Variants in NDUFAF6 observed in about 807,000 individuals in gnomAD.
The protein encoded by NDUFAF6 is NADH:ubiquinone oxidoreductase complex assembly factor 6, also known as NADH dehydrogenase (ubiquinone) complex I, assembly factor 6.
In NDUFAF6, 45 loss-of-function variants were observed where a neutral mutation model predicts 40.8. The ratio of observed to expected loss-of-function variants is 1.10; its 90% CI spans 0.87 to 1.42. The LOEUF (loss-of-function observed/expected upper bound fraction) is 1.42. Ranked by LOEUF, NDUFAF6 falls within the 40% of genes most tolerant of loss-of-function variation. The probability of loss-of-function intolerance (pLI) is 0.00; values close to 1 mark genes in which losing one functional copy is unlikely to be tolerated. For synonymous variants in NDUFAF6, 185 were observed against 155.9 expected, an observed-to-expected ratio of 1.19 and a Z score of -1.39; for missense variants, 435 against 418.5, an observed-to-expected ratio of 1.04 and a Z score of -0.34.
chr8:95,019,832 C>T (rs1199463028), intron 2 of NDUFAF6, among the ~76,000 whole-genome samples: 1 of 152,146 alleles, frequency 6.6e-6, no homozygotes, highest in Non-Finnish European at 1.5e-5. Flanking sequence ...GTACTAAATG[C>T]TCAAAAACTA....
chr8:94,908,794 AG>A (rs1818549070), intron 1 of NDUFAF6, among the ~76,000 whole-genome samples: 2 of 152,256 alleles, frequency 1.3e-5, no homozygotes, highest in Admixed American at 6.5e-5. Context: ...AATAAGACTC[AG>A]AGGAGTCAGA....
downstream of NDUFAF6, among the ~76,000 whole-genome samples, chr8:95,080,034 C>T (rs368501444): frequency 8.2e-5 from 5 of 60,674 alleles, no homozygotes; most frequent in African/African-American, 3.0e-4. Flanking sequence ...ATTTTTGTAG[C>T]GTATTTTTTG....
At chr8:95,062,509 T>G (rs1275689356), downstream of NDUFAF6, among the ~76,000 whole-genome samples, 1 of 152,172 alleles carries the variant, frequency 6.6e-6, no homozygotes, top group Non-Finnish European at 1.5e-5. Context: ...ACAGGATGTG[T>G]CCTCTCCAAT....
intron 5 of NDUFAF6, 85 bp from the exon 6 acceptor site, chr8:95,046,909 T>G: frequency 3.2e-6 from 5 of 1,557,056 alleles, no homozygotes; most frequent in African/African-American, 1.4e-5. Flanking sequence ...TCCTTTTACA[T>G]GTTTAGGTTA....
intron 9 of NDUFAF6, chr8:95,068,974 A>G (rs1313779636): frequency 1.3e-5 from 2 of 149,354 alleles, no homozygotes; most frequent in African/African-American, 2.5e-5. Flanking sequence ...CAATCTTCCT[A>G]CTCTTGACTC....
intron 1 of NDUFAF6, among the ~76,000 whole-genome samples, chr8:95,027,398 G>A (rs1828283553): frequency 6.6e-6 from 1 of 151,934 alleles, no homozygotes; most frequent in Admixed American, 6.6e-5. Context: ...GGGCAACATA[G>A]TGGGACCCCT....
At chr8:95,051,660 C>A (rs1423317693) in intron 7 of NDUFAF6, among the ~76,000 whole-genome samples, 1 of 151,950 alleles carries the variant, frequency 6.6e-6, no homozygotes, top group African/African-American at 2.4e-5. Flanking sequence ...GATGTGGAGG[C>A]CTTTGAATTC....
At chr8:95,099,226 C>G (rs1203661743), upstream of NDUFAF6, among the ~76,000 whole-genome samples, 2 of 151,860 alleles carry the variant, frequency 1.3e-5, no homozygotes, top group Non-Finnish European at 2.9e-5. Context: ...GGTGACAGAG[C>G]AAGACCCTGT....
At position 95,036,618 on chromosome 8, in the gene NDUFAF6, C is replaced by T. The variant is rs74602375; in HGVS notation, c.420+1042C>T. ...TCTATTTATTACTTTACACCTAAAT[C>T]GGAGTATAGTGGAGGTGGAGGTTTA... is the stretch of plus-strand genomic sequence containing the variant. On this transcript the variant is annotated intron_variant, in intron 3 of 8. Coordinates refer to ENST00000396124, the MANE Select transcript of NDUFAF6 (RefSeq NM_152416.4). The T allele has an allele frequency of 4.8e-3, 3,672 of 760,786 alleles. 103 individuals carry two copies. The African/African-American group carries it at 0.06, about 12-fold the overall frequency. The allele number at this position is 760,786 out of a possible 1,614,324, so 47.1% of individuals were successfully genotyped here. A position where few individuals can be genotyped will look rare whatever the true frequency, so the allele number is the denominator to read the frequency against.
chr8:95,105,726 C>T (rs1490582173), downstream of NDUFAF6, among the ~76,000 whole-genome samples: 1 of 152,040 alleles, frequency 6.6e-6, no homozygotes, highest in African/African-American at 2.4e-5. Context: ...TGGTCTTGAA[C>T]TCCTGATCAC....
At chr8:94,944,240 G>T (rs1320118748) in intron 1 of NDUFAF6, among the ~76,000 whole-genome samples, 1 of 152,196 alleles carries the variant, frequency 6.6e-6, no homozygotes, top group Non-Finnish European at 1.5e-5. Flanking sequence ...ACCTTTGCTT[G>T]TCCTGAACGA....
At chr8:94,927,358 A>G (rs1819986024) in intron 1 of NDUFAF6, 1 of 152,264 alleles carries the variant, frequency 6.6e-6, no homozygotes, top group Non-Finnish European at 1.5e-5. Flanking sequence ...AGATTTCAGA[A>G]GCAGAAACAA....
downstream of NDUFAF6, among the ~76,000 whole-genome samples, chr8:95,060,978 T>A (rs1832558107): frequency 6.6e-6 from 1 of 152,038 alleles, no homozygotes; most frequent in Non-Finnish European, 1.5e-5. Flanking sequence ...GGCTTGGCAG[T>A]CAAGGTTTCC....
At chr8:95,034,103 G>A (rs1419836988) in intron 2 of NDUFAF6, 1 of 457,528 alleles carries the variant, frequency 2.2e-6, no homozygotes, top group African/African-American at 2.0e-5. Flanking sequence ...ATATTTGGAA[G>A]TAACTTCACA....
intron 2 of NDUFAF6, among the ~76,000 whole-genome samples, chr8:95,091,700 C>T (rs1367400345): frequency 5.3e-5 from 8 of 151,626 alleles, no homozygotes; most frequent in African/African-American, 9.7e-5. Flanking sequence ...AGTGCAGTGG[C>T]GCCATCCTGG....
At position 95,039,568 on chromosome 8, in the gene NDUFAF6, G is replaced by A. The variant is rs559218646; in HGVS notation, c.421-2002G>A. Among the ~76,000 whole-genome samples the A allele has an allele frequency of 3.3e-5, 5 of 151,212 alleles. No individual in the cohort carries two copies. In the East Asian group the frequency reaches 7.8e-4, roughly 24 times the overall value. The stretch of plus-strand genomic sequence containing the variant: ...GCTGGTATTACAGGTATTAGCCACC[G>A]CCCCGGCCTAATATTTTCTAAGAAT... On this transcript the variant is annotated intron_variant, in intron 3 of 8. Transcript: ENST00000396124.
chr8:95,036,289 T>G, intron 3 of NDUFAF6: 1 of 1,278,190 alleles, frequency 7.8e-7, no homozygotes, highest in African/African-American at 1.5e-5. Flanking sequence ...TCTGTGTCCC[T>G]GTTGTAATGC....
At chr8:94,991,184 G>GAAAC (rs1313786252) in intron 2 of NDUFAF6, among the ~76,000 whole-genome samples, 1 of 152,136 alleles carries the variant, frequency 6.6e-6, no homozygotes, top group Non-Finnish European at 1.5e-5. Flanking sequence ...AACCAAGAAA[G>GAAAC]AAACAAACAC....
upstream of NDUFAF6, among the ~76,000 whole-genome samples, chr8:95,098,799 A>G (rs527350213): frequency 2.0e-5 from 3 of 150,514 alleles, no homozygotes; most frequent in South Asian, 4.2e-4. Context: ...GCACGCATCT[A>G]TAATCCCAGC....
Sources: allele counts gnomAD v4.1 joint callset (sites outside exome capture counted in the v4.1 genomes callset), GRCh38; gene constraint gnomAD v4.1.1; transcripts MANE v1.5; gene names NCBI Gene and HGNC (gene_info 2026-07-23, HGNC 2026-07-21).